CHCHD6: variants seen among roughly 807,000 people sequenced by gnomAD.
The protein encoded by CHCHD6 is coiled-coil-helix-coiled-coil-helix domain containing 6.
CHCHD6 carries 28 observed loss-of-function variants against 32.3 expected under a neutral mutation model. That is an observed-to-expected ratio of 0.87 (90% CI 0.64 to 1.19). The LOEUF (loss-of-function observed/expected upper bound fraction) is 1.19, where lower values mean the gene tolerates loss of function less well. CHCHD6 is among the 50% of genes most tolerant of loss of function. CHCHD6 has a pLI of 0.00. For synonymous variants in CHCHD6, 122 were observed against 117.5 expected, an observed-to-expected ratio of 1.04 and a Z score of -0.25; for missense variants, 333 against 307.0, an observed-to-expected ratio of 1.08 and a Z score of -0.63.
intron 5 of CHCHD6, among the ~76,000 whole-genome samples, chr3:126,884,955 A>C (rs144967361): frequency 6.6e-6 from 1 of 152,148 alleles, no homozygotes; most frequent in Non-Finnish European, 1.5e-5. Flanking sequence ...GGAGATCCTC[A>C]ATGTCTCTGC....
At position 126,908,067 on chromosome 3, in the gene CHCHD6, G is replaced by A. The variant is rs1043329649; in HGVS notation, c.496-6613G>A. 2.9e-4 allele frequency among the ~76,000 whole-genome samples: 22 copies of A among 76,702 alleles called. 1 individual carries two copies. In the South Asian group the frequency reaches 6.1e-3, roughly 21 times the overall value. The allele number at this position is 76,702 out of a possible 152,430, so 50.3% of individuals were successfully genotyped here. On this transcript the variant is annotated intron_variant, in intron 5 of 7. Coordinates refer to ENST00000290913, the MANE Select transcript of CHCHD6 (RefSeq NM_032343.3). Reference sequence around the variant, plus strand: ...CTTGAAATACTGCTTTCAGCTTGCCGGGAATTGACCTGTTGGAAAATCTGC... The same window carrying A: ...CTTGAAATACTGCTTTCAGCTTGCCAGGAATTGACCTGTTGGAAAATCTGC...
At chr3:126,956,406 G>A (rs1031929321) in intron 6 of CHCHD6, among the ~76,000 whole-genome samples, 10 of 152,306 alleles carry the variant, frequency 6.6e-5, no homozygotes, top group East Asian at 5.8e-4. Context: ...AATATGTCCC[G>A]CTCCTCCACT....
rs140149465 is a variant in CHCHD6 at position 126,872,485 on chromosome 3, G to A, written c.495+19755G>A. Among the ~76,000 whole-genome samples, 391 of 152,164 alleles carry A rather than the reference G, an allele frequency of 2.6e-3. 1 individual carries two copies. The highest frequency in any genetic ancestry group is 8.9e-3 in the African/African-American group (371 of 41,524). On this transcript the variant is annotated intron_variant, in intron 5 of 7. Coordinates refer to ENST00000290913, the MANE Select transcript of CHCHD6 (RefSeq NM_032343.3). ...CACCGCAGAGTCCTAGTCTAGGCTC[G>A]GGCTCAAGAATCTGCATTTAGATGA...
intron 4 of CHCHD6, among the ~76,000 whole-genome samples, chr3:126,831,643 G>A (rs1351634227): frequency 6.6e-6 from 1 of 152,186 alleles, no homozygotes; most frequent in Non-Finnish European, 1.5e-5. Context: ...GTTTACGGTT[G>A]GACTCAGAAG....
At chr3:126,818,990 G>C (rs1940035709) in intron 4 of CHCHD6, among the ~76,000 whole-genome samples, 1 of 152,208 alleles carries the variant, frequency 6.6e-6, no homozygotes, top group South Asian at 2.1e-4. Context: ...GCTTGAAGCT[G>C]CCAGAATGAT....
In CHCHD6 at chr3:126,865,131, TCCTCCACCACCA is replaced by T. The variant is rs765655087; in HGVS notation, c.495+12407_495+12418del. Among the ~76,000 whole-genome samples the T allele has an allele frequency of 9.1e-3, 989 of 109,090 alleles. 1 individual carries two copies. Among genetic ancestry groups the T allele is most frequent in the Non-Finnish European group, 0.013 (647 of 51,534 alleles). 71.6% of individuals were successfully genotyped at this position (109,090 alleles called of 152,430 possible). ...CACCTCCACTTCTTCCTCCTCCTCC[TCCTCCACCACCA>T]CCTCCTTTTCCACCACCTCCACTTC... On this transcript the variant is annotated intron_variant, in intron 5 of 7. Transcript: ENST00000290913.
intron 5 of CHCHD6, among the ~76,000 whole-genome samples, chr3:126,856,133 A>G (rs1941659666): frequency 6.9e-6 from 1 of 144,548 alleles, no homozygotes; most frequent in Non-Finnish European, 1.5e-5. Context: ...AAAAAACAAA[A>G]ACAAACAAAC....
chr3:126,794,242 TC>T (rs1249783810), intron 4 of CHCHD6, among the ~76,000 whole-genome samples: 1 of 150,992 alleles, frequency 6.6e-6, no homozygotes, highest in East Asian at 1.9e-4. Flanking sequence ...TTTTGTGTTT[TC>T]CCCCCATATT....
At chr3:126,915,112 C>A (rs2078150349) in intron 6 of CHCHD6, among the ~76,000 whole-genome samples, 1 of 152,238 alleles carries the variant, frequency 6.6e-6, no homozygotes. Context: ...TGGCTTCTCT[C>A]CCCTCTGACT....
intron 6 of CHCHD6, among the ~76,000 whole-genome samples, chr3:126,929,680 C>T (rs1460978843): frequency 6.6e-6 from 1 of 152,136 alleles, no homozygotes; most frequent in Non-Finnish European, 1.5e-5. Context: ...ATTCTCCTGC[C>T]TCAGCCTCCT....
At chr3:126,787,291 T>C (rs1938265175) in intron 4 of CHCHD6, among the ~76,000 whole-genome samples, 1 of 152,212 alleles carries the variant, frequency 6.6e-6, no homozygotes, top group Non-Finnish European at 1.5e-5. Flanking sequence ...TGGCTTAGGA[T>C]TGACTTGGCA....
chr3:126,765,148 C>CTT (rs2107674179), intron 4 of CHCHD6, among the ~76,000 whole-genome samples: 1 of 152,310 alleles, frequency 6.6e-6, no homozygotes, highest in African/African-American at 2.4e-5. Context: ...AACAAAAAAA[C>CTT]TTGAAGAGAC....
chr3:126,877,996 C>T (rs1323843846), intron 5 of CHCHD6, among the ~76,000 whole-genome samples: 3 of 152,192 alleles, frequency 2.0e-5, no homozygotes, highest in African/African-American at 7.2e-5. Context: ...TTCACTTAGG[C>T]TTGATTTCCA....
chr3:126,708,663 A>AG (rs1934614658), intron 1 of CHCHD6, among the ~76,000 whole-genome samples: 1 of 151,966 alleles, frequency 6.6e-6, no homozygotes, highest in African/African-American at 2.4e-5. Flanking sequence ...AAAAAAAAAA[A>AG]AAAAGCTTTA....
intron 5 of CHCHD6, among the ~76,000 whole-genome samples, chr3:126,908,030 G>A (rs563532656): frequency 1.3e-5 from 2 of 152,204 alleles, no homozygotes; most frequent in Admixed American, 6.5e-5. Flanking sequence ...TCAAAGGGGC[G>A]GTAATTCTTA....
chr3:126,889,805 C>A (rs968721267), intron 5 of CHCHD6, among the ~76,000 whole-genome samples: 30 of 152,238 alleles, frequency 2.0e-4, no homozygotes, highest in Admixed American at 1.2e-3. Flanking sequence ...CCTGTTGCCA[C>A]AGCAACCCCA....
chr3:126,917,009 C>T (rs1441140725), intron 6 of CHCHD6, among the ~76,000 whole-genome samples: 3 of 152,218 alleles, frequency 2.0e-5, no homozygotes, highest in Admixed American at 6.5e-5. Flanking sequence ...AGTGGCCCAC[C>T]ATCATGAGGG....
At chr3:126,927,803 G>A (rs904888848) in intron 6 of CHCHD6, among the ~76,000 whole-genome samples, 7 of 152,118 alleles carry the variant, frequency 4.6e-5, no homozygotes, top group African/African-American at 1.4e-4. Flanking sequence ...AGAGGTTACC[G>A]CTTAGCATCA....
chr3:126,959,459 C>T (rs1374032755), intron 7 of CHCHD6, among the ~76,000 whole-genome samples: 26 of 152,250 alleles, frequency 1.7e-4, no homozygotes, highest in Admixed American at 1.7e-3. Flanking sequence ...CTCTCACCAC[C>T]CTTCGCCAGC....
Sources: allele counts gnomAD v4.1 joint callset (sites outside exome capture counted in the v4.1 genomes callset), GRCh38; gene constraint gnomAD v4.1.1; transcripts MANE v1.5; gene names NCBI Gene and HGNC (gene_info 2026-07-23, HGNC 2026-07-21).